Variants in ZGRF1 observed in about 807,000 individuals in gnomAD.
ZGRF1 encodes 5'-3' DNA helicase ZGRF1.
In ZGRF1, 196 loss-of-function variants were observed where a neutral mutation model predicts 203.5. The observed-to-expected ratio is 0.96, with a 90% CI of 0.86 to 1.08. The LOEUF (loss-of-function observed/expected upper bound fraction) is 1.08, where lower values mean the gene tolerates loss of function less well. Among genes scored for constraint, ZGRF1 ranks in the 50% least tolerant of loss-of-function variants. The pLI, the probability that ZGRF1 is intolerant of heterozygous loss-of-function variation, is 0.00. For missense variants in ZGRF1, 2,326 were observed against 2,416.3 expected (o/e 0.96, Z 0.78); for synonymous variants, 809 against 841.3 (o/e 0.96, Z 0.66).
intron 4 of ZGRF1, among the ~76,000 whole-genome samples, chr4:112,621,469 G>T (rs894906016): frequency 1.3e-5 from 2 of 151,740 alleles, no homozygotes; most frequent in Non-Finnish European, 2.9e-5. Context: ...GACCAACATG[G>T]TGAAACCCCG....
chr4:112,551,871 T>C (rs978697793), intron 22 of ZGRF1, among the ~76,000 whole-genome samples: 1 of 152,218 alleles, frequency 6.6e-6, no homozygotes, highest in Non-Finnish European at 1.5e-5. Context: ...TTTATTATTA[T>C]GTTGCTGAGA....
intron 6 of ZGRF1, among the ~76,000 whole-genome samples, chr4:112,614,616 G>C (rs888210051): frequency 1.3e-5 from 2 of 152,134 alleles, no homozygotes; most frequent in African/African-American, 4.8e-5. Context: ...ATCACCTGAG[G>C]TCAGTTCAAA....
intron 14 of ZGRF1, among the ~76,000 whole-genome samples, chr4:112,584,793 A>G (rs1015667425): frequency 6.6e-6 from 1 of 152,226 alleles, no homozygotes; most frequent in African/African-American, 2.4e-5. Context: ...GGGATATGCA[A>G]ATGGTGGAAG....
At position 112,589,719 on chromosome 4, in the gene ZGRF1, A is replaced by T. The variant is rs745355860; in HGVS notation, c.3127+5T>A. The T allele has an allele frequency of 1.4e-5, 22 of 1,613,392 alleles. No individual in the cohort carries two copies. The highest frequency in any genetic ancestry group is 1.8e-5 in the Non-Finnish European group (21 of 1,179,404). On this transcript the variant is annotated splice_donor_5th_base_variant and intron_variant, in intron 11 of 27. Transcript: ENST00000505019. Reference sequence around the variant, plus strand: ...CAGATATTAGAGCAATGTGGTAACGACTACCCTCCAAGTTGAGAAAATGAA... The same window carrying T: ...CAGATATTAGAGCAATGTGGTAACGTCTACCCTCCAAGTTGAGAAAATGAA...
At position 112,539,550 on chromosome 4, in the gene ZGRF1, T is replaced by C. The variant is rs1737118730; in HGVS notation, c.6312A>G (p.Ser2104=). The C allele has an allele frequency of 7.6e-7, 1 of 1,318,174 alleles. No homozygotes were observed. The highest frequency in any genetic ancestry group is 2.5e-5 in the East Asian group (1 of 39,938). The allele number at this position is 1,318,174 out of a possible 1,614,324, so 81.7% of individuals were successfully genotyped here. ...AAAATATTTACACCATGTCTTTTTA[T>C]GAATGAGATTTATCTTTAGATTTCT... ...EKEKSKDKSH[S] is the part of the protein sequence containing the mutation. The change falls in exon 28 of 28, where the codon TCA becomes TCG. Residue 2104 remains serine, a synonymous_variant. Transcript: ENST00000505019.
chr4:112,616,895 TA>T (rs2046895182), intron 6 of ZGRF1, among the ~76,000 whole-genome samples: 1 of 151,340 alleles, frequency 6.6e-6, no homozygotes, highest in African/African-American at 2.4e-5. Flanking sequence ...CTCTGTGGTA[TA>T]GGATTGGAAT....
chr4:112,564,841 C>A (rs911069904), intron 16 of ZGRF1: 1 of 583,164 alleles, frequency 1.7e-6, no homozygotes, highest in Non-Finnish European at 3.1e-6. Flanking sequence ...CAAAAGTTTC[C>A]TTCGAAGGTC....
chr4:112,562,420 C>A lies in ZGRF1; in HGVS notation c.4648G>T (p.Asp1550Tyr). The change falls in exon 18 of 28, where the codon GAC becomes TAC. Residue 1550 changes from aspartate (D) to tyrosine (Y), a missense_variant. Transcript: ENST00000505019. The part of the protein sequence containing the change: ...TELTTLKNIQ[D>Y]YFNPATLPLT... ...GGTAGAGTAGCTGGATTAAAGTAGT[C>A]CTGAATGTTTTTCAAAGTAGTCAGT... 6.2e-7 allele frequency: 1 copy of A among 1,610,344 alleles called. No individual in the cohort carries two copies. Among genetic ancestry groups the A allele is most frequent in the Non-Finnish European group, 8.5e-7 (1 of 1,178,088 alleles).
chr4:112,565,003 C>G, intron 16 of ZGRF1: 3 of 920,108 alleles, frequency 3.3e-6, no homozygotes, highest in Non-Finnish European at 5.5e-6. Flanking sequence ...TCGTACAAGG[C>G]AGACTGCCCA....
intron 26 of ZGRF1, 144 bp from the exon 27 acceptor site, chr4:112,540,268 TCTAAAATGATAGATAAATG>T: frequency 2.0e-6 from 1 of 498,740 alleles, no homozygotes; most frequent in Non-Finnish European, 3.3e-6. Flanking sequence ...TTGGCTAGTT[TCTAAAATGATAGATAAATG>T]ACTAGATAAA....
intron 8 of ZGRF1, among the ~76,000 whole-genome samples, chr4:112,608,218 C>A (rs2149113519): frequency 6.6e-6 from 1 of 152,272 alleles, no homozygotes; most frequent in East Asian, 1.9e-4. Flanking sequence ...CCGGCTTCAA[C>A]AGACTTTTAA....
intron 1 of ZGRF1, among the ~76,000 whole-genome samples, chr4:112,634,761 A>C (rs1356130307): frequency 6.6e-6 from 1 of 152,250 alleles, no homozygotes; most frequent in Non-Finnish European, 1.5e-5. Context: ...AGGGGTATGC[A>C]AATGAGATAT....
chr4:112,582,004 GAT>G (rs1244039498), intron 15 of ZGRF1, among the ~76,000 whole-genome samples: 1 of 152,132 alleles, frequency 6.6e-6, no homozygotes, highest in African/African-American at 2.4e-5. Context: ...AAGAGACTGA[GAT>G]AGAAAAGTAT....
intron 10 of ZGRF1, among the ~76,000 whole-genome samples, chr4:112,599,013 T>G (rs1749502584): frequency 6.6e-6 from 1 of 152,064 alleles, no homozygotes; most frequent in Non-Finnish European, 1.5e-5. Flanking sequence ...ATCATGCCAC[T>G]GCACTCCAGC....
rs765569347 is a variant in ZGRF1, at chr4:112,540,809, C to T, written c.5910+12G>A. Reference sequence around the variant, plus strand: ...TTAATATATGGCAAATACTGTAATACATAATACCAACCTTGTACATCTGGG... The same window carrying T: ...TTAATATATGGCAAATACTGTAATATATAATACCAACCTTGTACATCTGGG... On this transcript the variant is annotated intron_variant, in intron 26 of 27. Coordinates refer to ENST00000505019, the MANE Select transcript of ZGRF1 (RefSeq NM_018392.5). 2 of 1,578,120 alleles carry T rather than the reference C, an allele frequency of 1.3e-6. No individual in the cohort carries two copies. The highest frequency in any genetic ancestry group is 2.3e-5 in the South Asian group (2 of 86,506).
At chr4:112,632,129 C>T in intron 2 of ZGRF1, 119 bp from the exon 3 acceptor site, 3 of 398,340 alleles carry the variant, frequency 7.5e-6, no homozygotes, top group Non-Finnish European at 1.3e-5. Context: ...AAAAAAGGCA[C>T]ATACACCCAT....
In ZGRF1 at chr4:112,603,641, G is replaced by T. The variant is rs534618542; in HGVS notation, c.2859C>A (p.Val953=). 5.0e-6 allele frequency: 8 copies of T among 1,613,932 alleles called. No individual in the cohort carries two copies. The East Asian group carries it at 1.8e-4, about 36-fold the overall frequency. The change falls in exon 10 of 28, where the codon GTC becomes GTA. Residue 953 remains valine (V), a synonymous_variant. Coordinates refer to ENST00000505019, the MANE Select transcript of ZGRF1 (RefSeq NM_018392.5). ...VKGSATSGVM[V]RGHSSQLGCS... is the part of the protein sequence containing the mutation. ...ATCCTAGCTGTGAGCTGTGTCCTCT[G>T]ACCATTACACCACTAGTAGCTGATC...
chr4:112,552,373 C>T (rs895851445), intron 22 of ZGRF1, among the ~76,000 whole-genome samples: 3 of 151,922 alleles, frequency 2.0e-5, no homozygotes, highest in African/African-American at 7.3e-5. Context: ...AATAATTCCT[C>T]TAAAATAGTT....
chr4:112,581,194 C>A (rs909143984), intron 16 of ZGRF1, among the ~76,000 whole-genome samples: 1 of 147,490 alleles, frequency 6.8e-6, no homozygotes, highest in African/African-American at 2.5e-5. Flanking sequence ...AACCAAACAC[C>A]GCATGTTCTC....
Sources: gnomAD v4.1 joint callset for allele counts (sites outside exome capture counted in the v4.1 genomes callset) on GRCh38, gnomAD v4.1.1 for gene constraint, MANE v1.5 for transcripts, NCBI Gene and HGNC (gene_info 2026-07-23, HGNC 2026-07-21) for gene names.